The following RAP1GAP2 variants were observed in gnomAD, a reference collection of about 807,000 sequenced individuals.
RAP1GAP2 encodes the protein RAP1 GTPase activating protein 2.
A neutral mutation model predicts 95.0 loss-of-function variants in RAP1GAP2; 27 were observed. The ratio of observed to expected loss-of-function variants is 0.28; its 90% CI spans 0.21 to 0.39. The LOEUF (loss-of-function observed/expected upper bound fraction) is 0.39, where lower values mean the gene tolerates loss of function less well. Ranked by LOEUF, RAP1GAP2 falls within the 10% of genes least tolerant of loss-of-function variation. RAP1GAP2 has a pLI of 1.00. For synonymous variants in RAP1GAP2, 373 were observed against 380.9 expected, an observed-to-expected ratio of 0.98 and a Z score of 0.24; for missense variants, 771 against 970.0, an observed-to-expected ratio of 0.79 and a Z score of 2.72.
chr17:2,888,731 A>G (rs1388919572), intron 2 of RAP1GAP2, among the ~76,000 whole-genome samples: 1 of 147,180 alleles, frequency 6.8e-6, no homozygotes, highest in African/African-American at 2.5e-5. Context: ...AGCTTGCTGC[A>G]ACCTCCGCCT....
At chr17:2,800,668 A>G in intron 2 of RAP1GAP2, 118 bp downstream of exon 2, 1 of 1,089,550 alleles carries the variant, frequency 9.2e-7, no homozygotes, top group African/African-American at 1.6e-5. Context: ...GTCAGATTCC[A>G]GTCCGAGTCC....
chr17:2,832,357 G>A (rs975311254), intron 2 of RAP1GAP2, among the ~76,000 whole-genome samples: 25 of 151,152 alleles, frequency 1.7e-4, no homozygotes, highest in Non-Finnish European at 3.1e-4. Context: ...AGGAGATCGA[G>A]ATCATCCTGG....
At chr17:2,872,054 A>C (rs1241070748) in intron 2 of RAP1GAP2, among the ~76,000 whole-genome samples, 2 of 151,838 alleles carry the variant, frequency 1.3e-5, no homozygotes, top group Non-Finnish European at 2.9e-5. Flanking sequence ...TCTCTACTAA[A>C]AATACAAAAA....
chr17:2,994,374 G>T (rs894767062), intron 12 of RAP1GAP2, among the ~76,000 whole-genome samples: 1 of 152,202 alleles, frequency 6.6e-6, no homozygotes, highest in Non-Finnish European at 1.5e-5. Flanking sequence ...AAAGCTGGCA[G>T]CCGTGTGTAT....
intron 22 of RAP1GAP2, among the ~76,000 whole-genome samples, chr17:3,028,611 C>T (rs751316691): frequency 5.3e-5 from 8 of 152,128 alleles, no homozygotes; most frequent in Admixed American, 2.0e-4. Context: ...AAGGGAAGAT[C>T]GTGATTCCAC....
At chr17:2,913,951 G>A (rs917783360) in intron 3 of RAP1GAP2, among the ~76,000 whole-genome samples, 3 of 151,490 alleles carry the variant, frequency 2.0e-5, no homozygotes, top group Non-Finnish European at 2.9e-5. Context: ...GCTCACTGCA[G>A]CCTCCGCCTC....
At chr17:2,968,477 A>G (rs1321002215) in intron 8 of RAP1GAP2, among the ~76,000 whole-genome samples, 2 of 152,184 alleles carry the variant, frequency 1.3e-5, no homozygotes, top group Non-Finnish European at 2.9e-5. Flanking sequence ...TAAATCTGAA[A>G]ATCAAAATGA....
At chr17:2,939,193 T>C (rs9901128) in intron 3 of RAP1GAP2, among the ~76,000 whole-genome samples, 42,166 of 151,984 alleles carry the variant, frequency 0.28, 6,575 homozygotes, top group East Asian at 0.47. Context: ...CGGGTTCAAG[T>C]GATCCTCTGC....
Position 3,004,693 on chromosome 17 carries a change from G to A in RAP1GAP2, c.1201-676G>A, listed in dbSNP as rs2046278419. On this transcript the variant is annotated intron_variant, in intron 14 of 24. Coordinates refer to ENST00000254695, the MANE Select transcript of RAP1GAP2 (RefSeq NM_015085.5). The surrounding 1 kb of genome is among the most constrained non-coding windows in gnomAD (Gnocchi z 4.1). ...CAGTTCCTAGCCTGGGCCTAGGACT[G>A]GCTGACCCCGTGTGTGGGGCCAGGG... Among the ~76,000 whole-genome samples, 1 of 152,246 alleles carries A rather than the reference G, an allele frequency of 6.6e-6. No homozygotes were observed. The highest frequency in any genetic ancestry group is 1.5e-5 in the Non-Finnish European group (1 of 68,042).
chr17:2,758,225 G>T (rs1034328889), intron 1 of RAP1GAP2, among the ~76,000 whole-genome samples: 1 of 143,522 alleles, frequency 7.0e-6, no homozygotes, highest in Non-Finnish European at 1.5e-5. Context: ...GCCCAGGCTG[G>T]AGTGCAGTGG....
intron 2 of RAP1GAP2, among the ~76,000 whole-genome samples, chr17:2,899,432 C>G (rs1417606820): frequency 6.6e-6 from 1 of 152,020 alleles, no homozygotes; most frequent in South Asian, 2.1e-4. Flanking sequence ...AGGATGGTCT[C>G]GATCTCCTGA....
At chr17:2,854,631 C>T (rs993586686) in intron 2 of RAP1GAP2, among the ~76,000 whole-genome samples, 2 of 152,192 alleles carry the variant, frequency 1.3e-5, no homozygotes, top group African/African-American at 4.8e-5. Flanking sequence ...GCCTTTCTGG[C>T]GTTTGTTCTT....
chr17:2,943,674 CAAACA>C (rs1013933063), intron 3 of RAP1GAP2, among the ~76,000 whole-genome samples: 3 of 8,800 alleles, frequency 3.4e-4, no homozygotes, highest in South Asian at 3.4e-3. Context: ...CCAAAACAAA[CAAACA>C]AAAAAAAACA....
At chr17:3,030,808 G>C in intron 22 of RAP1GAP2, 114 bp from the exon 23 acceptor site, 1 of 992,502 alleles carries the variant, frequency 1.0e-6, no homozygotes, top group Non-Finnish European at 1.5e-6. Context: ...AGGGTGCCTG[G>C]TCCTGGTGGA....
intron 3 of RAP1GAP2, among the ~76,000 whole-genome samples, chr17:2,937,880 T>G (rs759102866): frequency 3.9e-5 from 6 of 152,198 alleles, no homozygotes; most frequent in Admixed American, 6.5e-5. Context: ...CTTCTCTGCC[T>G]GGCCTCGATT....
intron 8 of RAP1GAP2, among the ~76,000 whole-genome samples, chr17:2,969,493 A>ATTTTT (rs2044761423): frequency 9.8e-6 from 1 of 101,882 alleles, no homozygotes; most frequent in Non-Finnish European, 2.0e-5. Context: ...AAATATATAT[A>ATTTTT]TTCTTTTTTT....
chr17:2,849,998 G>GT (rs1363363543), intron 2 of RAP1GAP2, among the ~76,000 whole-genome samples: 46,621 of 135,564 alleles, frequency 0.34, 8,732 homozygotes, highest in East Asian at 0.41. Context: ...AACACTGCCT[G>GT]CTTTTTTTTT....
At chr17:2,948,077 T>C (rs2151447836) in intron 3 of RAP1GAP2, among the ~76,000 whole-genome samples, 1 of 152,304 alleles carries the variant, frequency 6.6e-6, no homozygotes, top group East Asian at 1.9e-4. Flanking sequence ...ACGAGGCGAT[T>C]GCAAGGACTC....
At chr17:2,879,665 G>T (rs529044830) in intron 2 of RAP1GAP2, among the ~76,000 whole-genome samples, 2 of 151,652 alleles carry the variant, frequency 1.3e-5, no homozygotes, top group Admixed American at 6.6e-5. Flanking sequence ...GGCAGAGGTT[G>T]CAGTGAGCTG....
Sources: gnomAD v4.1 joint callset for allele counts (sites outside exome capture counted in the v4.1 genomes callset) on GRCh38, gnomAD v4.1.1 for gene constraint, Gnocchi (gnomAD v3.1) non-coding constraint, MANE v1.5 for transcripts, NCBI Gene and HGNC (gene_info 2026-07-23, HGNC 2026-07-21) for gene names.